FRMD4B: variants seen among roughly 807,000 people sequenced by gnomAD.
FRMD4B encodes FERM domain containing 4B.
Under a neutral mutation model 141.5 loss-of-function variants are expected in FRMD4B, and 74 were observed. The ratio of observed to expected loss-of-function variants is 0.52; its 90% CI spans 0.43 to 0.63. FRMD4B has a LOEUF of 0.63. FRMD4B is among the 30% of genes least tolerant of loss of function. The pLI is 0.00. For synonymous variants in FRMD4B, 506 were observed against 467.9 expected (o/e 1.08, Z -1.05); for missense variants, 1,366 against 1,253.4 (o/e 1.09, Z -1.36).
At chr3:69,289,226 T>C (rs1036339728) in intron 4 of FRMD4B, among the ~76,000 whole-genome samples, 1 of 152,216 alleles carries the variant, frequency 6.6e-6, no homozygotes, top group Non-Finnish European at 1.5e-5. Flanking sequence ...TGTATGGCCT[T>C]GGGCAAATTA....
chr3:69,420,265 G>C (rs886210678), intron 2 of FRMD4B, among the ~76,000 whole-genome samples: 1 of 138,970 alleles, frequency 7.2e-6, no homozygotes, highest in Non-Finnish European at 1.5e-5. Flanking sequence ...CTAGCAACAG[G>C]TGTAACTTGT....
At chr3:69,243,375 G>T (rs1015319083) in intron 7 of FRMD4B, among the ~76,000 whole-genome samples, 3 of 152,156 alleles carry the variant, frequency 2.0e-5, no homozygotes, top group Middle Eastern at 3.2e-3. Context: ...CAGATAGCAT[G>T]GGCCATGCGG....
intron 1 of FRMD4B, among the ~76,000 whole-genome samples, chr3:69,375,540 G>T (rs1339683240): frequency 2.0e-5 from 3 of 152,246 alleles, no homozygotes; most frequent in South Asian, 2.1e-4. Flanking sequence ...GTTACGATTT[G>T]AATTCAGGCG....
intron 7 of FRMD4B, among the ~76,000 whole-genome samples, chr3:69,245,518 T>G (rs115891656): frequency 0.023 from 3,471 of 152,228 alleles, 126 homozygotes; most frequent in African/African-American, 0.08. Flanking sequence ...AGATAACTTT[T>G]GTATTTTTAG....
intron 9 of FRMD4B, among the ~76,000 whole-genome samples, chr3:69,220,829 G>A (rs2093186967): frequency 6.6e-6 from 1 of 152,174 alleles, no homozygotes; most frequent in Non-Finnish European, 1.5e-5. Flanking sequence ...ACTCCAGCCT[G>A]GGTGACAGAG....
intron 21 of FRMD4B, among the ~76,000 whole-genome samples, chr3:69,180,246 C>A (rs1228325831): frequency 4.0e-4 from 40 of 101,024 alleles, no homozygotes; most frequent in African/African-American, 1.3e-3. Context: ...CTTGTTTCTA[C>A]AAAAAAAAAA....
chr3:69,511,479 T>A (rs1048748398), intron 1 of FRMD4B, among the ~76,000 whole-genome samples: 10 of 151,992 alleles, frequency 6.6e-5, no homozygotes, highest in African/African-American at 2.4e-4. Flanking sequence ...CATGCATGTA[T>A]AATTAAAAAC....
chr3:69,460,400 G>A (rs967678563), intron 1 of FRMD4B, among the ~76,000 whole-genome samples: 11 of 152,170 alleles, frequency 7.2e-5, no homozygotes, highest in Non-Finnish European at 8.8e-5. Flanking sequence ...GGTTTAAAAA[G>A]TGAGATGTTC....
chr3:69,477,778 G>A (rs1357390339), intron 1 of FRMD4B, among the ~76,000 whole-genome samples: 1 of 149,374 alleles, frequency 6.7e-6, no homozygotes. Context: ...CAGAAGGAAT[G>A]GTACCAGTTC....
At chr3:69,224,130 T>C (rs2093226609) in intron 8 of FRMD4B, among the ~76,000 whole-genome samples, 1 of 152,108 alleles carries the variant, frequency 6.6e-6, no homozygotes, top group Admixed American at 6.5e-5. Flanking sequence ...GGGATGAAAA[T>C]GGATACTATG....
chr3:69,528,982 C>G (rs1304276386), intron 1 of FRMD4B, among the ~76,000 whole-genome samples: 1 of 152,114 alleles, frequency 6.6e-6, no homozygotes, highest in Non-Finnish European at 1.5e-5. Context: ...TGCTAATTCC[C>G]CTGCATTTCC....
rs550525954 is a variant in FRMD4B at position 69,208,311 on chromosome 3, A to G, written c.876+7952T>C. Among the ~76,000 whole-genome samples the G allele has an allele frequency of 2.6e-5, 4 of 151,372 alleles. No individual in the cohort carries two copies. In the East Asian group the frequency reaches 7.8e-4, roughly 30 times the overall value. On this transcript the variant is annotated intron_variant, in intron 11 of 22. Coordinates refer to ENST00000398540, the MANE Select transcript of FRMD4B (RefSeq NM_015123.3). ...ACTCCTCACCTCAGGTGATCTACCC[A>G]CCTCGGCCTCCCAAAGTGCTGGGAT...
intron 1 of FRMD4B, among the ~76,000 whole-genome samples, chr3:69,501,127 T>C (rs749964214): frequency 3.3e-5 from 5 of 152,140 alleles, no homozygotes; most frequent in Non-Finnish European, 5.9e-5. Context: ...AAATTGTATA[T>C]GGCAAGCTTG....
In FRMD4B at chr3:69,250,073, G is replaced by T; in HGVS notation, c.528C>A (p.Thr176=). Reference sequence around the variant, plus strand: ...AAATAAACGCTGCTAACTTGAAGATGGTTTCGCTCTCTACTTCGATTTGCC... The same window carrying T: ...AAATAAACGCTGCTAACTTGAAGATTGTTTCGCTCTCTACTTCGATTTGCC... The part of the protein sequence containing the change: ...HKGQIEVESE[T]IFKLAAFILQ... Residue 176 remains threonine, a synonymous_variant, in exon 6 of 23, where the codon ACC becomes ACA. Coordinates refer to ENST00000398540, the MANE Select transcript of FRMD4B (RefSeq NM_015123.3). 1 of 1,610,838 alleles carries T rather than the reference G, an allele frequency of 6.2e-7. No homozygotes were observed. Among genetic ancestry groups the T allele is most frequent in the Non-Finnish European group, 8.5e-7 (1 of 1,177,054 alleles).
intron 1 of FRMD4B, among the ~76,000 whole-genome samples, chr3:69,366,108 A>C (rs1395453539): frequency 7.8e-6 from 1 of 128,552 alleles, no homozygotes; most frequent in African/African-American, 3.1e-5. Flanking sequence ...CACACACACA[A>C]AATTAGCTGG....
intron 10 of FRMD4B, among the ~76,000 whole-genome samples, chr3:69,217,437 A>C (rs1411699168): frequency 1.3e-5 from 2 of 152,114 alleles, no homozygotes; most frequent in African/African-American, 4.8e-5. Context: ...CCTGGCCAAC[A>C]TGGTGAAACC....
At chr3:69,395,582 C>G (rs999134658) in intron 2 of FRMD4B, among the ~76,000 whole-genome samples, 6 of 152,072 alleles carry the variant, frequency 3.9e-5, no homozygotes, top group Non-Finnish European at 7.3e-5. Flanking sequence ...AACTATTTGG[C>G]CCTTAGCAGT....
Position 69,541,394 on chromosome 3 carries a change from C to G in FRMD4B, c.-129+812G>C. On this transcript the variant is annotated intron_variant, in intron 1 of 5. Transcript: ENST00000459638. ...AGCGCCCAGCCCAACCCTCTCACAT[C>G]TGGAAGGAAGCGGCCACACAAAGGA... 1.3e-5 allele frequency: 2 copies of G among 152,314 alleles called. 1 individual carries two copies. The highest frequency in any genetic ancestry group is 4.8e-5 in the African/African-American group (2 of 41,442). 9.4% of individuals were successfully genotyped at this position (152,314 alleles called of 1,614,324 possible).
At chr3:69,448,768 GA>G (rs1559530381) in intron 1 of FRMD4B, among the ~76,000 whole-genome samples, 4 of 152,096 alleles carry the variant, frequency 2.6e-5, no homozygotes, top group South Asian at 4.2e-4. Flanking sequence ...ATGCAACCTG[GA>G]AAAAAATTAT....
Sources: allele counts gnomAD v4.1 joint callset (sites outside exome capture counted in the v4.1 genomes callset), GRCh38; gene constraint gnomAD v4.1.1; transcripts MANE v1.5; gene names NCBI Gene and HGNC (gene_info 2026-07-23, HGNC 2026-07-21).